Variants in MINDY3 observed in about 807,000 individuals in gnomAD.
MINDY3 encodes the protein ubiquitin carboxyl-terminal hydrolase MINDY-3.
In MINDY3, 38 loss-of-function variants were observed where a neutral mutation model predicts 69.2. The observed-to-expected ratio is 0.55, with a 90% CI of 0.42 to 0.72. The LOEUF (loss-of-function observed/expected upper bound fraction) is 0.72, where lower values mean the gene tolerates loss of function less well. Among genes scored for constraint, MINDY3 ranks in the 30% least tolerant of loss-of-function variants. MINDY3 has a pLI of 0.00. For missense variants in MINDY3, 522 were observed against 519.0 expected, an observed-to-expected ratio of 1.01 and a Z score of -0.06; for synonymous variants, 192 against 180.1, an observed-to-expected ratio of 1.07 and a Z score of -0.53.
intron 1 of MINDY3, 133 bp from the exon 2 acceptor site, chr10:15,848,076 T>G: frequency 1.4e-6 from 1 of 702,558 alleles, no homozygotes. Flanking sequence ...GAGGTGTGGA[T>G]CAAGGAACCT....
chr10:15,859,304 T>G (rs1324084649), intron 1 of MINDY3, among the ~76,000 whole-genome samples: 2 of 152,166 alleles, frequency 1.3e-5, no homozygotes, highest in African/African-American at 2.4e-5. Flanking sequence ...AGGTGTTCCC[T>G]AAATAGATGT....
intron 8 of MINDY3, among the ~76,000 whole-genome samples, chr10:15,825,486 A>G (rs1840025958): frequency 6.6e-6 from 1 of 152,214 alleles, no homozygotes; most frequent in South Asian, 2.1e-4. Context: ...CTGAGATTAA[A>G]AGGCACAAGC....
At chr10:15,780,413 T>G (rs933833536) in intron 14 of MINDY3, among the ~76,000 whole-genome samples, 14 of 152,220 alleles carry the variant, frequency 9.2e-5, no homozygotes, top group Non-Finnish European at 1.6e-4. Flanking sequence ...CAAAACTGCC[T>G]TCTCTGAAAA....
intron 8 of MINDY3, among the ~76,000 whole-genome samples, chr10:15,822,717 G>A (rs997537487): frequency 1.3e-5 from 2 of 152,060 alleles, no homozygotes; most frequent in African/African-American, 4.8e-5. Context: ...GTAAGGCTCA[G>A]GAATACAGGA....
chr10:15,795,363 T>C (rs1274491725), intron 11 of MINDY3, among the ~76,000 whole-genome samples: 4 of 151,950 alleles, frequency 2.6e-5, no homozygotes, highest in Non-Finnish European at 5.9e-5. Context: ...GATCACTAAG[T>C]GTACAAAGTT....
chr10:15,836,448 T>A (rs780614030), intron 6 of MINDY3, among the ~76,000 whole-genome samples: 9 of 151,914 alleles, frequency 5.9e-5, no homozygotes, highest in Non-Finnish European at 2.9e-5. Context: ...TAAAAATGCA[T>A]CCCATATTAT....
Position 15,778,748 on chromosome 10 carries a change from G to T in MINDY3, c.*244C>A, listed in dbSNP as rs1836289273. On this transcript the variant is annotated 3_prime_UTR_variant, in exon 15 of 15. Transcript: ENST00000277632. ...CCAAGTATCTGAATGCAAAAGTGAT[G>T]AACTTTGATGAAAGCTTAATTTTGC... 4 of 347,794 alleles carry T rather than the reference G, an allele frequency of 1.2e-5. No homozygotes were observed. The Admixed American group carries it at 1.8e-4, about 16-fold the overall frequency. 21.5% of individuals were successfully genotyped at this position (347,794 alleles called of 1,614,324 possible).
At chr10:15,836,754 G>C (rs1254418091) in intron 6 of MINDY3, among the ~76,000 whole-genome samples, 1 of 149,238 alleles carries the variant, frequency 6.7e-6, no homozygotes, top group Non-Finnish European at 1.5e-5. Flanking sequence ...GGAGAGAAAA[G>C]AGCAGGAGGT....
At chr10:15,825,893 G>T (rs1289438141) in intron 8 of MINDY3, among the ~76,000 whole-genome samples, 1 of 152,010 alleles carries the variant, frequency 6.6e-6, no homozygotes, top group East Asian at 1.9e-4. Flanking sequence ...GAAACTTCTG[G>T]GTTTCTGAAT....
At chr10:15,830,315 T>C (rs1588610829) in intron 8 of MINDY3, among the ~76,000 whole-genome samples, 1 of 152,332 alleles carries the variant, frequency 6.6e-6, no homozygotes, top group African/African-American at 2.4e-5. Flanking sequence ...GCTCAAGGAC[T>C]TGATGAATAT....
chr10:15,843,137 C>T (rs1392075220), intron 3 of MINDY3, 75 bp downstream of exon 3: 6 of 1,230,098 alleles, frequency 4.9e-6, no homozygotes, highest in Non-Finnish European at 7.0e-6. Flanking sequence ...TGATACTTGA[C>T]TTTCTCAGAT....
chr10:15,846,221 C>G (rs1833833855), intron 2 of MINDY3, among the ~76,000 whole-genome samples: 1 of 152,184 alleles, frequency 6.6e-6, no homozygotes, highest in Non-Finnish European at 1.5e-5. Flanking sequence ...GCAAAAATAA[C>G]TACCACTACT....
At chr10:15,858,087 A>C (rs1054811251) in intron 1 of MINDY3, 2 of 190,256 alleles carry the variant, frequency 1.1e-5, no homozygotes, top group Non-Finnish European at 1.9e-5. Context: ...TCAAAGAACA[A>C]ACAAATGAAT....
chr10:15,806,963 T>C (rs1211071710), intron 10 of MINDY3, among the ~76,000 whole-genome samples: 3 of 152,168 alleles, frequency 2.0e-5, no homozygotes, highest in African/African-American at 7.2e-5. Context: ...GGGAGGGAAG[T>C]AGTTAAATGC....
At chr10:15,814,245 T>C (rs1192759951) in intron 10 of MINDY3, among the ~76,000 whole-genome samples, 1 of 152,096 alleles carries the variant, frequency 6.6e-6, no homozygotes, top group Non-Finnish European at 1.5e-5. Context: ...GTTTTACTTT[T>C]ATTTCAAGGG....
intron 1 of MINDY3, among the ~76,000 whole-genome samples, chr10:15,850,436 CT>C (rs1588654722): frequency 6.6e-6 from 1 of 152,266 alleles, no homozygotes; most frequent in Admixed American, 6.5e-5. Flanking sequence ...AGAAATATTG[CT>C]GAATTCTTTT....
rs1833763323 is a variant in MINDY3 at position 15,845,457 on chromosome 10, G to A, written c.175-2185C>T. On this transcript the variant is annotated intron_variant, in intron 2 of 14. Transcript: ENST00000277632. The stretch of plus-strand genomic sequence containing the variant: ...ATAACTTAGTTTTGACTCTTACACT[G>A]AAATATTAATACAAACAAAATTCTT... 2.0e-5 allele frequency among the ~76,000 whole-genome samples: 3 copies of A among 152,046 alleles called. No homozygotes were observed. In the South Asian group the frequency reaches 6.2e-4, roughly 32 times the overall value.
At chr10:15,842,881 T>C (rs1374066184) in intron 3 of MINDY3, among the ~76,000 whole-genome samples, 2 of 149,108 alleles carry the variant, frequency 1.3e-5, no homozygotes, top group African/African-American at 4.9e-5. Flanking sequence ...TTCTGAGGTC[T>C]TGCCCACAGC....
At chr10:15,779,400 C>T (rs981076442) in intron 14 of MINDY3, among the ~76,000 whole-genome samples, 4 of 152,086 alleles carry the variant, frequency 2.6e-5, no homozygotes, top group African/African-American at 7.2e-5. Context: ...TCCTAAAACA[C>T]ATAGATTGTT....
Sources: allele counts gnomAD v4.1 joint callset (sites outside exome capture counted in the v4.1 genomes callset), GRCh38; gene constraint gnomAD v4.1.1; transcripts MANE v1.5; gene names NCBI Gene and HGNC (gene_info 2026-07-23, HGNC 2026-07-21).